Variants in FHIP1A observed in about 807,000 individuals in gnomAD.
FHIP1A encodes FHF complex subunit HOOK interacting protein 1A, also known as FHF complex subunit HOOK-interacting protein 1A.
A neutral mutation model predicts 88.6 loss-of-function variants in FHIP1A; 61 were observed. That is an observed-to-expected ratio of 0.69 (90% confidence interval 0.56 to 0.85). FHIP1A has a LOEUF of 0.85. FHIP1A is among the 40% of genes least tolerant of loss of function. FHIP1A has a pLI of 0.00. For synonymous variants in FHIP1A, 478 were observed against 496.0 expected, an observed-to-expected ratio of 0.96 and a Z score of 0.48; for missense variants, 1,154 against 1,273.5, an observed-to-expected ratio of 0.91 and a Z score of 1.43.
intron 3 of FHIP1A, among the ~76,000 whole-genome samples, chr4:151,483,881 C>A (rs1729986430): frequency 6.6e-6 from 1 of 152,118 alleles, no homozygotes; most frequent in Admixed American, 6.5e-5. Context: ...AGTTCTGTTT[C>A]TAATTAAGGT....
intron 8 of FHIP1A, among the ~76,000 whole-genome samples, chr4:151,636,470 T>C (rs982031409): frequency 3.9e-5 from 6 of 151,998 alleles, no homozygotes; most frequent in African/African-American, 1.4e-4. Flanking sequence ...AAATAATCAG[T>C]ATTTGTAGAT....
At chr4:151,496,812 T>G (rs1730481091) in intron 3 of FHIP1A, among the ~76,000 whole-genome samples, 1 of 151,070 alleles carries the variant, frequency 6.6e-6, no homozygotes, top group South Asian at 2.1e-4. Flanking sequence ...TCTGCCCACT[T>G]TGTCCTCCCA....
chr4:151,652,147 A>G (rs1164298150), intron 11 of FHIP1A, among the ~76,000 whole-genome samples: 1 of 152,200 alleles, frequency 6.6e-6, no homozygotes, highest in African/African-American at 2.4e-5. Flanking sequence ...TAGAGGAAAG[A>G]AAGTATAGCT....
At chr4:151,592,178 A>G (rs1425890889) in intron 7 of FHIP1A, among the ~76,000 whole-genome samples, 1 of 151,636 alleles carries the variant, frequency 6.6e-6, no homozygotes, top group Non-Finnish European at 1.5e-5. Context: ...TCTGTCGCCC[A>G]GGCTGGAATG....
At chr4:151,532,960 C>T (rs555456024) in intron 3 of FHIP1A, 1 of 152,372 alleles carries the variant, frequency 6.6e-6, no homozygotes, top group African/African-American at 2.4e-5. Flanking sequence ...GGGTCCCTCC[C>T]ACAACACGTG....
intron 7 of FHIP1A, among the ~76,000 whole-genome samples, chr4:151,598,252 C>CACAGTCCCTCACAGT (rs1252882410): frequency 2.0e-4 from 31 of 152,164 alleles, no homozygotes; most frequent in Non-Finnish European, 3.8e-4. Context: ...TTCCTCACGG[C>CACAGTCCCTCACAGT]ACAGTCCCTC....
At chr4:151,573,414 G>C (rs923167919) in intron 4 of FHIP1A, among the ~76,000 whole-genome samples, 4 of 152,114 alleles carry the variant, frequency 2.6e-5, no homozygotes, top group African/African-American at 9.7e-5. Flanking sequence ...ATTAATGAGC[G>C]TGGGCTTTAT....
chr4:151,658,708 T>G (rs962528253), intron 13 of FHIP1A, among the ~76,000 whole-genome samples: 4 of 152,212 alleles, frequency 2.6e-5, no homozygotes, highest in African/African-American at 9.7e-5. Context: ...GTGGGCATTC[T>G]GCAGTCTCCT....
At chr4:151,655,460 T>A (rs1282650443) in intron 11 of FHIP1A, among the ~76,000 whole-genome samples, 4 of 152,220 alleles carry the variant, frequency 2.6e-5, no homozygotes, top group South Asian at 2.1e-4. Flanking sequence ...ACTGCTTTTT[T>A]AAAATGACTG....
chr4:151,609,455 A>G (rs753972982), intron 7 of FHIP1A, among the ~76,000 whole-genome samples: 57 of 152,344 alleles, frequency 3.7e-4, no homozygotes, highest in Non-Finnish European at 4.9e-4. Context: ...ACAAGAATCC[A>G]TTATTTATCC....
chr4:151,607,326 C>A (rs4696274), intron 7 of FHIP1A, among the ~76,000 whole-genome samples: 42,799 of 151,930 alleles, frequency 0.28, 6,275 homozygotes, highest in Non-Finnish European at 0.33. Context: ...CTGTTGTGGG[C>A]CTGCAACTAG....
intron 3 of FHIP1A, among the ~76,000 whole-genome samples, chr4:151,548,588 G>A (rs1285309173): frequency 6.6e-5 from 10 of 152,168 alleles, no homozygotes; most frequent in Admixed American, 6.5e-4. Flanking sequence ...ACTCCCATCA[G>A]CACCATGACA....
chr4:151,452,376 C>T (rs1442411038), intron 1 of FHIP1A, among the ~76,000 whole-genome samples: 2 of 152,142 alleles, frequency 1.3e-5, no homozygotes, highest in Admixed American at 1.3e-4. Context: ...GAACACTTTA[C>T]CTCCAGAGTT....
chr4:151,618,625 CA>C (rs1735630518), intron 7 of FHIP1A, among the ~76,000 whole-genome samples: 1 of 152,200 alleles, frequency 6.6e-6, no homozygotes, highest in African/African-American at 2.4e-5. Flanking sequence ...GCACTTTTCA[CA>C]GAAGCCTTCA....
intron 3 of FHIP1A, among the ~76,000 whole-genome samples, chr4:151,527,924 G>A (rs1731740053): frequency 6.6e-6 from 1 of 152,102 alleles, no homozygotes; most frequent in Non-Finnish European, 1.5e-5. Flanking sequence ...TTGGGCTATT[G>A]CCACTCAATG....
intron 3 of FHIP1A, among the ~76,000 whole-genome samples, chr4:151,523,483 C>T (rs1244839291): frequency 6.6e-6 from 1 of 152,190 alleles, no homozygotes; most frequent in Non-Finnish European, 1.5e-5. Flanking sequence ...AGGGAATGGA[C>T]AACATACTCT....
chr4:151,487,424 GTT>G (rs1172102821), intron 3 of FHIP1A, among the ~76,000 whole-genome samples: 1 of 151,774 alleles, frequency 6.6e-6, no homozygotes, highest in East Asian at 1.9e-4. Flanking sequence ...GCTTTTTCAT[GTT>G]GGCTAGGAAC....
intron 8 of FHIP1A, among the ~76,000 whole-genome samples, chr4:151,635,605 T>C (rs1282146259): frequency 6.6e-6 from 1 of 151,866 alleles, no homozygotes; most frequent in African/African-American, 2.4e-5. Flanking sequence ...TTTGAGGGTA[T>C]TATGCGAAGT....
At chr4:151,499,300 G>A (rs913454375) in intron 3 of FHIP1A, among the ~76,000 whole-genome samples, 1 of 152,108 alleles carries the variant, frequency 6.6e-6, no homozygotes, top group Non-Finnish European at 1.5e-5. Context: ...TTCTGTCTAT[G>A]TGACTTTGAA....
Sources: allele counts gnomAD v4.1 joint callset (sites outside exome capture counted in the v4.1 genomes callset), GRCh38; gene constraint gnomAD v4.1.1; transcripts MANE v1.5; gene names NCBI Gene and HGNC (gene_info 2026-07-23, HGNC 2026-07-21).